The following MTRF1 variants were observed in gnomAD, a reference collection of about 807,000 sequenced individuals.
The protein encoded by MTRF1 is peptide chain release factor 1, mitochondrial.
A neutral mutation model predicts 62.9 loss-of-function variants in MTRF1; 51 were observed. That is an observed-to-expected ratio of 0.81 (90% CI 0.65 to 1.02). The LOEUF is 1.02. MTRF1 is among the 50% of genes least tolerant of loss of function. The pLI is 0.00. For missense variants in MTRF1, 446 were observed against 530.0 expected (o/e 0.84, Z 1.56); for synonymous variants, 158 against 181.9 (o/e 0.87, Z 1.06).
intron 7 of MTRF1, among the ~76,000 whole-genome samples, chr13:41,230,058 C>T (rs1488009686): frequency 1.3e-5 from 2 of 151,440 alleles, no homozygotes; most frequent in Non-Finnish European, 2.9e-5. Flanking sequence ...CCAAGGTTCA[C>T]TGGCCACTGC....
At chr13:41,279,658 CATA>C in the MTRF1 span, among the ~76,000 whole-genome samples, 2 of 152,104 alleles carry the variant, frequency 1.3e-5, no homozygotes, top group Admixed American at 6.5e-5. Context: ...CTGACTCTGG[CATA>C]ATATTATGAG....
intron 5 of MTRF1, among the ~76,000 whole-genome samples, chr13:41,245,335 C>T (rs2038103060): frequency 6.6e-6 from 1 of 152,048 alleles, no homozygotes; most frequent in Admixed American, 6.6e-5. Context: ...CCTTGACCTC[C>T]TGGGCTCAAG....
intron 2 of MTRF1, among the ~76,000 whole-genome samples, chr13:41,259,721 A>C (rs1323389797): frequency 1.0e-4 from 15 of 149,590 alleles, no homozygotes; most frequent in East Asian, 9.7e-4. Flanking sequence ...AAAAAAAAAA[A>C]CATAAAAATA....
chr13:41,308,558 C>T, the MTRF1 span, among the ~76,000 whole-genome samples: 1 of 152,128 alleles, frequency 6.6e-6, no homozygotes, highest in East Asian at 1.9e-4. Context: ...GGAGGCACTT[C>T]TGTGTGCTTG....
At chr13:41,267,810 G>A (rs1470499451), upstream of MTRF1, among the ~76,000 whole-genome samples, 2 of 151,552 alleles carry the variant, frequency 1.3e-5, no homozygotes, top group Non-Finnish European at 2.9e-5. Context: ...AGGTTGTACT[G>A]AGCTGTGATT....
chr13:41,285,782 G>A, the MTRF1 span, among the ~76,000 whole-genome samples: 1 of 152,058 alleles, frequency 6.6e-6, no homozygotes, highest in Non-Finnish European at 1.5e-5. Flanking sequence ...ACTGCCTCCA[G>A]CCCAATGGGA....
At chr13:41,223,811 T>C (rs976571478) in intron 8 of MTRF1, among the ~76,000 whole-genome samples, 16 of 152,196 alleles carry the variant, frequency 1.1e-4, no homozygotes, top group African/African-American at 3.1e-4. Context: ...CCATTTCCAA[T>C]TGGTTTCATG....
upstream of MTRF1, among the ~76,000 whole-genome samples, chr13:41,268,391 C>T (rs950768375): frequency 2.0e-5 from 3 of 151,848 alleles, no homozygotes; most frequent in Non-Finnish European, 2.9e-5. Context: ...TGTCAAATAT[C>T]GAAGGTTTAA....
chr13:41,304,963 A>G, the MTRF1 span, among the ~76,000 whole-genome samples: 1 of 152,250 alleles, frequency 6.6e-6, no homozygotes, highest in African/African-American at 2.4e-5. Flanking sequence ...ACGCAGAACA[A>G]ATGAACTGGT....
the MTRF1 span, among the ~76,000 whole-genome samples, chr13:41,303,902 C>G: frequency 6.6e-6 from 1 of 152,084 alleles, no homozygotes; most frequent in Admixed American, 6.6e-5. Context: ...AGCAAATCTC[C>G]CCATTTTTTT....
the MTRF1 span, chr13:41,311,601 C>A: frequency 6.3e-7 from 1 of 1,599,604 alleles, no homozygotes; most frequent in Non-Finnish European, 8.5e-7. Flanking sequence ...CCGTAGGCCG[C>A]GCTGCCGCCC....
At chr13:41,243,292 C>T (rs1448087279) in intron 5 of MTRF1, among the ~76,000 whole-genome samples, 1 of 150,832 alleles carries the variant, frequency 6.6e-6, no homozygotes, top group Non-Finnish European at 1.5e-5. Flanking sequence ...GTCTGTAGTC[C>T]CAGCTACTTG....
At position 41,223,206 on chromosome 13, in the gene MTRF1, A is replaced by G. The variant is rs764053171; in HGVS notation, c.1224+50T>C. 14 of 1,300,930 alleles carry G rather than the reference A, an allele frequency of 1.1e-5. No homozygotes were observed. The East Asian group carries it at 1.9e-4, about 17-fold the overall frequency. 80.6% of individuals were successfully genotyped at this position (1,300,930 alleles called of 1,614,324 possible). A position where few individuals can be genotyped will look rare whatever the true frequency, so the allele number is the denominator to read the frequency against. On this transcript the variant is annotated intron_variant, in intron 9 of 9. Transcript: ENST00000379480. ...TACATATATGTTCTAGAATTTGACT[A>G]TATTTTCTTCTGAAATCAAAGGTAG...
At chr13:41,237,643 C>T (rs7983526) in intron 6 of MTRF1, among the ~76,000 whole-genome samples, 79,387 of 151,804 alleles carry the variant, frequency 0.52, 21,588 homozygotes, top group South Asian at 0.62. Context: ...ACTACAGGCA[C>T]GCGCCACCAC....
At chr13:41,264,631 TCTATGTA>T (rs1197194369), upstream of MTRF1, among the ~76,000 whole-genome samples, 1 of 152,260 alleles carries the variant, frequency 6.6e-6, no homozygotes, top group Non-Finnish European at 1.5e-5. Flanking sequence ...GGTACCTACT[TCTATGTA>T]CTATGTACTA....
At chr13:41,225,465 C>A (rs945691217) in intron 8 of MTRF1, among the ~76,000 whole-genome samples, 5 of 152,090 alleles carry the variant, frequency 3.3e-5, no homozygotes, top group African/African-American at 1.2e-4. Context: ...TCTGGGATTA[C>A]CACTAATAGT....
chr13:41,219,164 G>A (rs1425039439), intron 9 of MTRF1, among the ~76,000 whole-genome samples: 1 of 149,360 alleles, frequency 6.7e-6, no homozygotes, highest in South Asian at 2.1e-4. Context: ...GGTGGTGTGT[G>A]CCTGTAGTCC....
chr13:41,311,320 G>A, the MTRF1 span: 4 of 554,900 alleles, frequency 7.2e-6, no homozygotes, highest in East Asian at 3.3e-5. Context: ...GAGCCCAGGG[G>A]AAGCGTGTCC....
the MTRF1 span, among the ~76,000 whole-genome samples, chr13:41,299,704 T>A: frequency 6.6e-6 from 1 of 151,606 alleles, no homozygotes; most frequent in Non-Finnish European, 1.5e-5. Flanking sequence ...TCAATTGAAC[T>A]GAGCTTCACA....
Sources: allele counts gnomAD v4.1 joint callset (sites outside exome capture counted in the v4.1 genomes callset), GRCh38; gene constraint gnomAD v4.1.1; transcripts MANE v1.5; gene names NCBI Gene and HGNC (gene_info 2026-07-23, HGNC 2026-07-21).